IL6ST: variants seen among roughly 807,000 people sequenced by gnomAD.
IL6ST encodes the protein interleukin-6 receptor subunit beta.
Under a neutral mutation model 91.3 loss-of-function variants are expected in IL6ST, and 24 were observed. The observed-to-expected ratio is 0.26, with a 90% CI of 0.19 to 0.37. The LOEUF is 0.37. Among genes scored for constraint, IL6ST ranks in the 10% least tolerant of loss-of-function variants. The pLI is 1.00. For missense variants in IL6ST, 914 were observed against 1,078.5 expected (o/e 0.85, Z 2.14); for synonymous variants, 351 against 373.6 (o/e 0.94, Z 0.70).
At chr5:55,964,351 C>A in intron 5 of IL6ST, 39 bp from the exon 6 acceptor site, 1 of 1,475,776 alleles carries the variant, frequency 6.8e-7, no homozygotes, top group South Asian at 1.2e-5. Context: ...ATTAAAAACA[C>A]ATCTGAAAAA....
rs149658964 is a variant in IL6ST, at chr5:55,939,644, T to C, written c.*1438A>G. 1.3e-3 allele frequency: 266 copies of C among 206,016 alleles called. No individual in the cohort carries two copies. Among genetic ancestry groups the C allele is most frequent in the Middle Eastern group, 0.011 (7 of 618 alleles). 12.8% of individuals were successfully genotyped at this position (206,016 alleles called of 1,614,324 possible). On this transcript the variant is annotated 3_prime_UTR_variant, in exon 17 of 17. Coordinates refer to ENST00000381298, the MANE Select transcript of IL6ST (RefSeq NM_002184.4). Reference sequence around the variant, plus strand: ...GCAGTAGTCAATCACTAATAACGCTTGCTAATTTCCTCTTACTTTCTAAGA... The same window carrying C: ...GCAGTAGTCAATCACTAATAACGCTCGCTAATTTCCTCTTACTTTCTAAGA...
chr5:55,960,091 G>A (rs754163788), intron 8 of IL6ST, among the ~76,000 whole-genome samples: 25 of 151,946 alleles, frequency 1.6e-4, no homozygotes, highest in Non-Finnish European at 2.6e-4. Flanking sequence ...TCACCATATT[G>A]GCCAGGCTGG....
chr5:55,956,693 C>T (rs1751997785), intron 9 of IL6ST, among the ~76,000 whole-genome samples: 1 of 152,112 alleles, frequency 6.6e-6, no homozygotes, highest in African/African-American at 2.4e-5. Flanking sequence ...CAGAACTGTA[C>T]TTAAATACCT....
In IL6ST at chr5:55,935,483, T is replaced by TCAG. The variant is rs10628013; in HGVS notation, c.*5598_*5599insCTG. The TCAG allele has an allele frequency of 0.44, 92,978 of 211,446 alleles. 22,410 individuals are homozygous for TCAG. Among genetic ancestry groups the TCAG allele is most frequent in the African/African-American group, 0.64 (28,192 of 43,954 alleles). 13.1% of individuals were successfully genotyped at this position (211,446 alleles called of 1,614,324 possible). ...CCTCCCTTGATGGAGACAGAACTTT[T>TCAG]CTATGGAGAACCCAAGCAGCCTTTC... On this transcript the variant is annotated 3_prime_UTR_variant, in exon 17 of 17. Transcript: ENST00000381298.
chr5:55,985,804 T>C (rs1753931719), intron 1 of IL6ST, among the ~76,000 whole-genome samples: 1 of 152,208 alleles, frequency 6.6e-6, no homozygotes, highest in Non-Finnish European at 1.5e-5. Context: ...TGGGCAAGCT[T>C]TTCATGTATG....
chr5:55,975,607 AT>A (rs1392780854), intron 3 of IL6ST, among the ~76,000 whole-genome samples: 1 of 152,076 alleles, frequency 6.6e-6, no homozygotes, highest in Non-Finnish European at 1.5e-5. Flanking sequence ...GACTCAAGTT[AT>A]TTTCCTGCCT....
At chr5:55,993,634 C>G (rs1440914438) in intron 1 of IL6ST, among the ~76,000 whole-genome samples, 1 of 152,166 alleles carries the variant, frequency 6.6e-6, no homozygotes, top group Non-Finnish European at 1.5e-5. Context: ...TTGACACTTT[C>G]TCCTTCCTGT....
At chr5:55,968,431 T>G (rs556851735) in intron 4 of IL6ST, 35 bp from the exon 5 acceptor site, 1 of 1,595,364 alleles carries the variant, frequency 6.3e-7, no homozygotes, top group South Asian at 1.1e-5. Flanking sequence ...TCAGAAAGCT[T>G]TATATCCACA....
At chr5:55,964,755 G>A (rs1752543160) in intron 5 of IL6ST, among the ~76,000 whole-genome samples, 1 of 152,134 alleles carries the variant, frequency 6.6e-6, no homozygotes, top group Non-Finnish European at 1.5e-5. Flanking sequence ...AAATCTCTTA[G>A]CCTCTTTCTA....
At chr5:55,970,160 C>T (rs532760188) in intron 3 of IL6ST, among the ~76,000 whole-genome samples, 22 of 152,256 alleles carry the variant, frequency 1.4e-4, no homozygotes, top group African/African-American at 4.8e-4. Context: ...TTCATACTTG[C>T]CCCACAACGT....
intron 3 of IL6ST, 133 bp from the exon 4 acceptor site, chr5:55,969,988 T>C (rs1033774445): frequency 4.7e-5 from 26 of 553,106 alleles, no homozygotes; most frequent in Middle Eastern, 4.8e-4. Context: ...AAAAAGACAA[T>C]ACACAACTGA....
In IL6ST at chr5:55,936,160, CTGAT is replaced by C. The variant is rs1750511235; in HGVS notation, c.*4918_*4921del. On this transcript the variant is annotated 3_prime_UTR_variant, in exon 17 of 17. Coordinates refer to ENST00000381298, the MANE Select transcript of IL6ST (RefSeq NM_002184.4). ...TTTTCCTTCCAGGTGGACTTGCTGA[CTGAT>C]TAGTTTCATATACTACTTAGTAACC... The C allele has an allele frequency of 4.4e-6, 1 of 226,718 alleles. No homozygotes were observed. The allele number at this position is 226,718 out of a possible 1,614,324, so 14.0% of individuals were successfully genotyped here. A position where few individuals can be genotyped will look rare whatever the true frequency, so the allele number is the denominator to read the frequency against.
chr5:55,985,669 C>T (rs190323703), intron 1 of IL6ST, among the ~76,000 whole-genome samples: 15 of 152,218 alleles, frequency 9.9e-5, no homozygotes, highest in Admixed American at 4.6e-4. Context: ...TTTGTATATA[C>T]GGATAATTGT....
chr5:55,959,644 C>T (rs988188608), intron 8 of IL6ST: 6 of 1,297,566 alleles, frequency 4.6e-6, no homozygotes, highest in Non-Finnish European at 6.0e-6. Context: ...ATTCCAGGAT[C>T]AACCGCTTCC....
rs1269594349 is a variant in IL6ST at position 55,954,924 on chromosome 5, G to GAGT, written c.1333_1335dup (p.Thr445dup). 1 of 1,612,920 alleles carries GAGT rather than the reference G, an allele frequency of 6.2e-7. No homozygotes were observed. The highest frequency in any genetic ancestry group is 1.3e-5 in the African/African-American group (1 of 74,884). On this transcript the variant is annotated inframe_insertion, in exon 11 of 17. Transcript: ENST00000381298. ...ATATATTTCTTTACAGATTCCCTTG[G>GAGT]AGTAGTCCATTCCACCCAAAGCATG... is the stretch of plus-strand genomic sequence containing the variant.
intron 1 of IL6ST, among the ~76,000 whole-genome samples, chr5:55,991,092 G>A (rs527752424): frequency 6.6e-6 from 1 of 152,294 alleles, no homozygotes; most frequent in Admixed American, 6.5e-5. Context: ...CGGCTGCATA[G>A]TATTCCATGG....
Position 55,941,170 on chromosome 5 carries a change from G to T in IL6ST, c.2669C>A (p.Thr890Lys), listed in dbSNP as rs1327903446. 6.2e-7 allele frequency: 1 copy of T among 1,614,092 alleles called. No individual in the cohort carries two copies. The highest frequency in any genetic ancestry group is 2.2e-5 in the East Asian group (1 of 44,888). ...GTEGQVERFE[T>K]VGMEAATDEG... Reference sequence around the variant, plus strand: ...ATCAGTCGCAGCCTCCATGCCAACTGTTTCAAATCTTTCTACTTGTCCCTC... The same window carrying T: ...ATCAGTCGCAGCCTCCATGCCAACTTTTTCAAATCTTTCTACTTGTCCCTC... Residue 890 changes from threonine (T) to lysine (K), a missense_variant, in exon 17 of 17, where the codon ACA becomes AAA. Transcript: ENST00000381298.
In IL6ST at chr5:55,936,439, T is replaced by A. The variant is rs2112639030; in HGVS notation, c.*4643A>T. ...ATAGTAAATCTGGAAAACTAGTGGA[T>A]AAATTTGCCATCTCCATTCTATGTT... On this transcript the variant is annotated 3_prime_UTR_variant, in exon 17 of 17. Coordinates refer to ENST00000381298, the MANE Select transcript of IL6ST (RefSeq NM_002184.4). 4.7e-6 allele frequency: 1 copy of A among 213,802 alleles called. No homozygotes were observed. Among genetic ancestry groups the A allele is most frequent in the South Asian group, 1.9e-4 (1 of 5,288 alleles). The allele number at this position is 213,802 out of a possible 1,614,324, so 13.2% of individuals were successfully genotyped here.
At position 55,976,280 on chromosome 5, in the gene IL6ST, T is replaced by C. The variant is rs1184158725; in HGVS notation, c.-2A>G. On this transcript the variant is annotated 5_prime_UTR_variant, in exon 3 of 17. Coordinates refer to ENST00000381298, the MANE Select transcript of IL6ST (RefSeq NM_002184.4). Reference sequence around the variant, plus strand: ...TAGCCAAGTCTGCAACGTCAACATCTTGCGCGGATATTTCTGCAACAGACA... The same window carrying C: ...TAGCCAAGTCTGCAACGTCAACATCCTGCGCGGATATTTCTGCAACAGACA... 6.3e-7 allele frequency: 1 copy of C among 1,580,342 alleles called. No homozygotes were observed. The highest frequency in any genetic ancestry group is 1.2e-5 in the South Asian group (1 of 85,490).
Sources: allele counts gnomAD v4.1 joint callset (sites outside exome capture counted in the v4.1 genomes callset), GRCh38; gene constraint gnomAD v4.1.1; transcripts MANE v1.5; gene names NCBI Gene and HGNC (gene_info 2026-07-23, HGNC 2026-07-21).